The following RPS6KA2 variants were observed in gnomAD, a reference collection of about 807,000 sequenced individuals.
RPS6KA2 encodes ribosomal protein S6 kinase A2, also known as ribosomal protein S6 kinase alpha-2.
Under a neutral mutation model 91.8 loss-of-function variants are expected in RPS6KA2, and 42 were observed. The observed-to-expected ratio is 0.46, with a 90% CI of 0.36 to 0.59. RPS6KA2 has a LOEUF of 0.59. RPS6KA2 is among the 20% of genes least tolerant of loss of function. The probability of loss-of-function intolerance (pLI) is 0.00; values close to 1 mark genes in which losing one functional copy is unlikely to be tolerated. For synonymous variants in RPS6KA2, 414 were observed against 393.6 expected (o/e 1.05, Z -0.61); for missense variants, 798 against 978.5 (o/e 0.82, Z 2.46).
rs1778350723 is a variant in RPS6KA2, at chr6:166,767,616, A to G, written c.123+90584T>C. ...TTCGGCCAGAATGTGTTGAGCGTCC[A>G]CAATGTTCCAGGCTTAGCCCCCGCA... On this transcript the variant is annotated intron_variant, in intron 2 of 21. Coordinates refer to the RPS6KA2 transcript ENST00000503859. This position sits in a 1 kb window ranked among gnomAD's most constrained non-coding sequence, Gnocchi z 4.6. Among the ~76,000 whole-genome samples the G allele has an allele frequency of 6.6e-6, 1 of 152,210 alleles. No individual in the cohort carries two copies. The highest frequency in any genetic ancestry group is 1.5e-5 in the Non-Finnish European group (1 of 68,036).
chr6:166,729,710 G>A (rs1790454486), intron 2 of RPS6KA2, among the ~76,000 whole-genome samples: 2 of 152,142 alleles, frequency 1.3e-5, no homozygotes, highest in South Asian at 4.1e-4. Flanking sequence ...CTGTTCTCTC[G>A]GCTTTTCTTG....
intron 2 of RPS6KA2, among the ~76,000 whole-genome samples, chr6:166,706,525 G>A (rs749809629): frequency 2.2e-4 from 34 of 152,190 alleles, no homozygotes; most frequent in Admixed American, 1.2e-3. Flanking sequence ...TTCTGGAAGC[G>A]TCCCCTGCCG....
chr6:166,822,422 A>G (rs1779927445), intron 2 of RPS6KA2, among the ~76,000 whole-genome samples: 1 of 152,226 alleles, frequency 6.6e-6, no homozygotes, highest in South Asian at 2.1e-4. Context: ...GGACGCAGCA[A>G]GAGGGTGCCC....
chr6:166,709,662 T>TA (rs1009360119), intron 2 of RPS6KA2, among the ~76,000 whole-genome samples: 65 of 152,286 alleles, frequency 4.3e-4, no homozygotes, highest in African/African-American at 1.4e-3. Flanking sequence ...AATAACAAAA[T>TA]AAAAAGAAGA....
chr6:166,682,701 C>T (rs138619263), intron 2 of RPS6KA2, among the ~76,000 whole-genome samples: 9 of 152,314 alleles, frequency 5.9e-5, no homozygotes, highest in Admixed American at 3.3e-4. Context: ...GCTTCATAGC[C>T]GGGACAAGCT....
intron 2 of RPS6KA2, among the ~76,000 whole-genome samples, chr6:166,752,297 G>A (rs1283545326): frequency 6.6e-6 from 1 of 152,166 alleles, no homozygotes; most frequent in Non-Finnish European, 1.5e-5. Context: ...GGGCTGTGAA[G>A]CGCGTCCACA....
At chr6:166,506,304 G>A (rs1782223536) in intron 5 of RPS6KA2, among the ~76,000 whole-genome samples, 3 of 152,206 alleles carry the variant, frequency 2.0e-5, no homozygotes, top group East Asian at 1.9e-4. Context: ...ACATTCCCAC[G>A]TGGGGAGCTG....
chr6:166,413,141 T>A (rs1778372101), intron 20 of RPS6KA2, among the ~76,000 whole-genome samples: 1 of 151,902 alleles, frequency 6.6e-6, no homozygotes, highest in Non-Finnish European at 1.5e-5. Flanking sequence ...GCTTGTGCCT[T>A]GGGGGAAAAT....
intron 2 of RPS6KA2, among the ~76,000 whole-genome samples, chr6:166,812,526 C>G (rs1239359449): frequency 3.3e-5 from 5 of 152,078 alleles, no homozygotes; most frequent in African/African-American, 1.2e-4. Flanking sequence ...TAGGCTTTCT[C>G]TCAAAGCCCT....
chr6:166,470,524 T>C (rs963490874), intron 10 of RPS6KA2, among the ~76,000 whole-genome samples: 1 of 152,202 alleles, frequency 6.6e-6, no homozygotes, highest in Non-Finnish European at 1.5e-5. Context: ...TCCCTTACTT[T>C]GTTGCGTACA....
intron 10 of RPS6KA2, among the ~76,000 whole-genome samples, chr6:166,473,022 C>A (rs1418576032): frequency 6.6e-6 from 1 of 152,160 alleles, no homozygotes; most frequent in Admixed American, 6.5e-5. Flanking sequence ...AGTAATAACA[C>A]CTGATCCTGT....
intron 2 of RPS6KA2, among the ~76,000 whole-genome samples, chr6:166,633,860 T>A (rs757947559): frequency 6.6e-6 from 1 of 152,128 alleles, no homozygotes; most frequent in Non-Finnish European, 1.5e-5. Flanking sequence ...AAATATACTA[T>A]GAGTCAGCGG....
intron 8 of RPS6KA2, 35 bp downstream of exon 8, chr6:166,498,473 C>A (rs374169683): frequency 1.3e-6 from 2 of 1,576,428 alleles, no homozygotes; most frequent in Non-Finnish European, 1.7e-6. Flanking sequence ...GGGGAACAGC[C>A]GCCATGGCAC....
chr6:166,497,614 C>T lies in RPS6KA2; in HGVS notation c.747+894G>A, dbSNP rs778668229. ...AGTGACCCAAGTGGCAAAGGACCAG[C>T]GAGGCCCTGGGCACCAGCCGGGGGT... is the stretch of plus-strand genomic sequence containing the variant. On this transcript the variant is annotated intron_variant, in intron 8 of 20. Coordinates refer to ENST00000265678, the MANE Select transcript of RPS6KA2 (RefSeq NM_021135.6). 2.2e-4 allele frequency among the ~76,000 whole-genome samples: 33 copies of T among 152,224 alleles called. 1 individual carries two copies. The highest frequency in any genetic ancestry group is 7.9e-4 in the Admixed American group (12 of 15,284).
intron 1 of RPS6KA2, among the ~76,000 whole-genome samples, chr6:166,546,954 C>CT (rs1053110208): frequency 2.0e-5 from 3 of 151,998 alleles, no homozygotes; most frequent in Non-Finnish European, 4.4e-5. Context: ...AGTTTCTTTT[C>CT]TTTTTTTTCT....
At chr6:166,541,181 C>T (rs1314742341) in intron 1 of RPS6KA2, among the ~76,000 whole-genome samples, 1 of 152,198 alleles carries the variant, frequency 6.6e-6, no homozygotes, top group Non-Finnish European at 1.5e-5. Context: ...GCACACCCTT[C>T]TGTGACTTCA....
At chr6:166,590,310 A>G (rs9457188) in intron 1 of RPS6KA2, among the ~76,000 whole-genome samples, 7,888 of 152,304 alleles carry the variant, frequency 0.052, 692 homozygotes, top group African/African-American at 0.18. Context: ...CTAAACGCTG[A>G]TAAGAATCAG....
intron 2 of RPS6KA2, among the ~76,000 whole-genome samples, chr6:166,649,146 G>C (rs1243009794): frequency 6.6e-6 from 1 of 152,130 alleles, no homozygotes; most frequent in Admixed American, 6.5e-5. Context: ...GCACCACTCA[G>C]AGTCTGCTCC....
intron 2 of RPS6KA2, chr6:166,702,750 C>A (rs530521939): frequency 1.6e-6 from 2 of 1,233,924 alleles, no homozygotes; most frequent in Non-Finnish European, 2.4e-6. Context: ...GGAAGGGTCC[C>A]GACACGGGGA....
Sources: gnomAD v4.1 joint callset for allele counts (sites outside exome capture counted in the v4.1 genomes callset) on GRCh38, gnomAD v4.1.1 for gene constraint, Gnocchi (gnomAD v3.1) non-coding constraint, MANE v1.5 for transcripts, NCBI Gene and HGNC (gene_info 2026-07-23, HGNC 2026-07-21) for gene names.